Variants in TRPC3 observed in about 807,000 individuals in gnomAD.
TRPC3 encodes the protein short transient receptor potential channel 3.
Under a neutral mutation model 90.9 loss-of-function variants are expected in TRPC3, and 54 were observed. The observed-to-expected ratio is 0.59, with a 90% CI of 0.48 to 0.75. The LOEUF (loss-of-function observed/expected upper bound fraction) is 0.75, where lower values mean the gene tolerates loss of function less well. Ranked by LOEUF, TRPC3 falls within the 30% of genes least tolerant of loss-of-function variation. TRPC3 has a pLI of 0.00. For missense variants in TRPC3, 918 were observed against 1,194.5 expected (o/e 0.77, Z 3.41); for synonymous variants, 424 against 450.9 (o/e 0.94, Z 0.75).
intron 3 of TRPC3, among the ~76,000 whole-genome samples, chr4:121,919,433 T>C (rs1729426753): frequency 6.6e-6 from 1 of 152,258 alleles, no homozygotes; most frequent in African/African-American, 2.4e-5. Context: ...ACTCAATGAC[T>C]TGTGAAATAT....
At chr4:121,893,752 A>T (rs1425441320) in intron 10 of TRPC3, among the ~76,000 whole-genome samples, 2 of 152,200 alleles carry the variant, frequency 1.3e-5, no homozygotes, top group Non-Finnish European at 2.9e-5. Context: ...CACAAAGGCT[A>T]ATATTGTTAA....
intron 3 of TRPC3, among the ~76,000 whole-genome samples, chr4:121,921,925 T>G (rs13106333): frequency 6.3e-4 from 47 of 75,126 alleles, no homozygotes; most frequent in South Asian, 1.9e-3. Flanking sequence ...TTTTGTTTTT[T>G]TTTTTTTTTT....
chr4:121,894,403 T>C (rs1392403668), intron 10 of TRPC3, among the ~76,000 whole-genome samples: 1 of 151,980 alleles, frequency 6.6e-6, no homozygotes, highest in Non-Finnish European at 1.5e-5. Flanking sequence ...AATATAATAA[T>C]AGTTGGGAAC....
At chr4:121,925,357 T>C in intron 2 of TRPC3, 151 bp from the exon 3 acceptor site, 1 of 816,526 alleles carries the variant, frequency 1.2e-6, no homozygotes, top group Non-Finnish European at 1.8e-6. Context: ...GAATACAGGC[T>C]GGATTTGCAC....
chr4:121,891,743 G>A (rs1012639043), intron 10 of TRPC3, among the ~76,000 whole-genome samples: 2 of 152,128 alleles, frequency 1.3e-5, no homozygotes, highest in South Asian at 4.1e-4. Context: ...AAAATAACCT[G>A]TATCTTCTAT....
At chr4:121,917,495 G>A (rs771704243) in intron 3 of TRPC3, among the ~76,000 whole-genome samples, 3 of 152,118 alleles carry the variant, frequency 2.0e-5, no homozygotes, top group Non-Finnish European at 4.4e-5. Flanking sequence ...AGTATATTGG[G>A]CAAGTGTATT....
intron 2 of TRPC3, among the ~76,000 whole-genome samples, chr4:121,931,110 G>A (rs1344309407): frequency 6.6e-6 from 1 of 152,154 alleles, no homozygotes; most frequent in Non-Finnish European, 1.5e-5. Context: ...GAAAAGGGAT[G>A]GGACCACTTT....
intron 10 of TRPC3, among the ~76,000 whole-genome samples, chr4:121,886,159 T>C (rs921567959): frequency 2.6e-5 from 4 of 152,202 alleles, no homozygotes; most frequent in African/African-American, 9.7e-5. Context: ...TCTTCCTTCC[T>C]GAAAGGAGTG....
At chr4:121,895,679 A>T (rs1199179390) in intron 10 of TRPC3, among the ~76,000 whole-genome samples, 1 of 152,122 alleles carries the variant, frequency 6.6e-6, no homozygotes, top group Non-Finnish European at 1.5e-5. Flanking sequence ...AGGTAACAAG[A>T]TTAAATGAGT....
intron 3 of TRPC3, among the ~76,000 whole-genome samples, chr4:121,924,141 G>T (rs1002365513): frequency 6.6e-6 from 1 of 152,136 alleles, no homozygotes; most frequent in Non-Finnish European, 1.5e-5. Flanking sequence ...TGTCATTGAA[G>T]CTTGGCAATC....
chr4:121,910,232 G>C lies in TRPC3; in HGVS notation c.1714C>G (p.Gln572Glu). The part of the protein sequence containing the change: ...LAFLQATKAQ[Q>E]YVDSYVQESD... ...TCTTGGACGTAACTGTCCACATACT[G>C]TTGTGCCTTCGTTGCCTGAAGGAAA... is the stretch of plus-strand genomic sequence containing the variant. Residue 572 changes from glutamine (Q) to glutamate (E), a missense_variant, in exon 6 of 12, where the codon CAG becomes GAG. Transcript: ENST00000379645. The C allele has an allele frequency of 1.2e-6, 2 of 1,613,820 alleles. No individual in the cohort carries two copies. The highest frequency in any genetic ancestry group is 1.7e-6 in the Non-Finnish European group (2 of 1,179,810).
intron 1 of TRPC3, among the ~76,000 whole-genome samples, chr4:121,943,207 A>G (rs1358467158): frequency 6.6e-6 from 1 of 152,000 alleles, no homozygotes; most frequent in Non-Finnish European, 1.5e-5. Context: ...ATTACAGAAT[A>G]CCCCTAGTCA....
In TRPC3 at chr4:121,904,462, T is replaced by A. The variant is rs769488090; in HGVS notation, c.2113A>T (p.Thr705Ser). The A allele has an allele frequency of 1.4e-5, 23 of 1,598,056 alleles. No individual in the cohort carries two copies. In the Admixed American group the frequency reaches 4.1e-4, roughly 29 times the overall value. Reference sequence around the variant, plus strand: ...TGATCATATTTGAGCACAACGGAAGTCACTTCAGACAACCCAAATATTGAC... The same window carrying A: ...TGATCATATTTGAGCACAACGGAAGACACTTCAGACAACCCAAATATTGAC... ...FWSIFGLSEV[T>S]SVVLKYDHKF... The change falls in exon 8 of 12, where the codon ACT (threonine) becomes TCT (serine). Residue 705 changes from threonine to serine, a missense_variant. By Grantham distance (58) the Thr-to-Ser change is moderately conservative. Transcript: ENST00000379645.
At chr4:121,905,285 T>A (rs1728841855) in intron 7 of TRPC3, among the ~76,000 whole-genome samples, 1 of 152,086 alleles carries the variant, frequency 6.6e-6, no homozygotes, top group Non-Finnish European at 1.5e-5. Context: ...GGGCCAAGGG[T>A]AGGGAGAAGG....
At chr4:121,886,024 C>T (rs1012148050) in intron 10 of TRPC3, among the ~76,000 whole-genome samples, 4 of 152,104 alleles carry the variant, frequency 2.6e-5, no homozygotes, top group East Asian at 3.9e-4. Flanking sequence ...GGTAAAGATT[C>T]CAGGCGGTAC....
intron 2 of TRPC3, among the ~76,000 whole-genome samples, chr4:121,928,414 A>T (rs1165111673): frequency 6.6e-6 from 1 of 152,220 alleles, no homozygotes; most frequent in East Asian, 1.9e-4. Context: ...AAACCTATGC[A>T]GAGTTCCGTG....
At chr4:121,936,455 T>C (rs747775493) in intron 1 of TRPC3, among the ~76,000 whole-genome samples, 8 of 152,340 alleles carry the variant, frequency 5.3e-5, no homozygotes, top group African/African-American at 1.2e-4. Flanking sequence ...GGTAAAAGCA[T>C]TGGAGTACCA....
rs1727819516 is a variant in TRPC3, at chr4:121,878,120, A to G, written c.*1616T>C. ...TCAATATTTTATTCAGTTCTGAGACACAACATAAAGTACATAAAGTTTGAA... is the reference window on the plus strand; with the variant it reads ...TCAATATTTTATTCAGTTCTGAGACGCAACATAAAGTACATAAAGTTTGAA... On this transcript the variant is annotated 3_prime_UTR_variant, in exon 12 of 12. Coordinates refer to ENST00000379645, the MANE Select transcript of TRPC3 (RefSeq NM_001130698.2). Among the ~76,000 whole-genome samples, 1 of 152,240 alleles carries G rather than the reference A, an allele frequency of 6.6e-6. No homozygotes were observed. Among genetic ancestry groups the G allele is most frequent in the Non-Finnish European group, 1.5e-5 (1 of 68,042 alleles).
chr4:121,882,528 CAG>C, intron 10 of TRPC3, 99 bp from the exon 11 acceptor site: 1 of 1,072,522 alleles, frequency 9.3e-7, no homozygotes, highest in South Asian at 1.9e-5. Context: ...GCAAACAACT[CAG>C]GGGAGAAAAA....
Sources: gnomAD v4.1 joint callset for allele counts (sites outside exome capture counted in the v4.1 genomes callset) on GRCh38, gnomAD v4.1.1 for gene constraint, MANE v1.5 for transcripts, NCBI Gene and HGNC (gene_info 2026-07-23, HGNC 2026-07-21) for gene names.